The following MDFIC variants were observed in gnomAD, a reference collection of about 807,000 sequenced individuals.
MDFIC encodes the protein MyoD family inhibitor domain containing.
A neutral mutation model predicts 23.2 loss-of-function variants in MDFIC; 17 were observed. That is an observed-to-expected ratio of 0.73 (90% CI 0.50 to 1.10). MDFIC has a LOEUF of 1.10. Ranked by LOEUF, MDFIC falls within the 50% of genes least tolerant of loss-of-function variation. MDFIC has a pLI of 0.00. For synonymous variants in MDFIC, 120 were observed against 115.2 expected, an observed-to-expected ratio of 1.04 and a Z score of -0.27; for missense variants, 356 against 316.6, an observed-to-expected ratio of 1.12 and a Z score of -0.95.
intron 3 of MDFIC, among the ~76,000 whole-genome samples, chr7:114,976,627 G>C (rs17137497): frequency 0.023 from 3,571 of 152,054 alleles, 136 homozygotes; most frequent in African/African-American, 0.082. Flanking sequence ...ACTGAAAAAC[G>C]GTAACAGGAT....
intron 3 of MDFIC, among the ~76,000 whole-genome samples, chr7:114,978,213 A>T (rs1793353061): frequency 6.6e-6 from 1 of 151,900 alleles, no homozygotes; most frequent in Non-Finnish European, 1.5e-5. Flanking sequence ...AATATCTCAT[A>T]CATCAAATCC....
intron 3 of MDFIC, among the ~76,000 whole-genome samples, chr7:114,958,484 C>G (rs1792924955): frequency 6.6e-6 from 1 of 152,230 alleles, no homozygotes; most frequent in African/African-American, 2.4e-5. Flanking sequence ...GGCAAGGTGG[C>G]TCACGCCTGT....
intron 2 of MDFIC, chr7:114,934,025 G>A (rs146715211): frequency 1.4e-3 from 211 of 152,272 alleles, no homozygotes; most frequent in African/African-American, 4.9e-3. Flanking sequence ...AATGTTGGAC[G>A]TCGAATGTTT....
chr7:114,966,230 T>C (rs1025111212), intron 3 of MDFIC, among the ~76,000 whole-genome samples: 4 of 152,068 alleles, frequency 2.6e-5, no homozygotes, highest in African/African-American at 9.7e-5. Flanking sequence ...CTTCATAATG[T>C]CAAAGATAAT....
intron 2 of MDFIC, among the ~76,000 whole-genome samples, chr7:114,937,200 T>C (rs369873178): frequency 1.3e-3 from 197 of 152,304 alleles, no homozygotes; most frequent in African/African-American, 4.5e-3. Flanking sequence ...AGAATTGAGA[T>C]TGGAGAAGAT....
intron 4 of MDFIC, among the ~76,000 whole-genome samples, chr7:115,008,977 C>G (rs1290486392): frequency 1.3e-5 from 2 of 152,182 alleles, no homozygotes; most frequent in African/African-American, 4.8e-5. Flanking sequence ...TGGGGGTGCT[C>G]TGTGGCGTTG....
chr7:114,975,642 T>C (rs1173704936), intron 3 of MDFIC, among the ~76,000 whole-genome samples: 1 of 152,046 alleles, frequency 6.6e-6, no homozygotes, highest in African/African-American at 2.4e-5. Flanking sequence ...TGTGGTTTAA[T>C]CCGTCAGGTG....
chr7:114,946,200 C>T (rs898101969), intron 3 of MDFIC, among the ~76,000 whole-genome samples: 4 of 149,860 alleles, frequency 2.7e-5, no homozygotes, highest in Admixed American at 6.7e-5. Context: ...TCAGTCTTTG[C>T]GGGGATTTCT....
chr7:114,988,903 G>T (rs542700342), intron 4 of MDFIC, among the ~76,000 whole-genome samples: 2 of 152,302 alleles, frequency 1.3e-5, no homozygotes, highest in African/African-American at 2.4e-5. Context: ...TCAGAGAAAA[G>T]GTCAGATGGC....
At chr7:114,976,545 TA>T (rs1793318629) in intron 3 of MDFIC, among the ~76,000 whole-genome samples, 1 of 152,136 alleles carries the variant, frequency 6.6e-6, no homozygotes, top group Non-Finnish European at 1.5e-5. Context: ...AGATTTTAGT[TA>T]TGAAAAGGGC....
intron 4 of MDFIC, among the ~76,000 whole-genome samples, chr7:114,980,908 T>G (rs1451192538): frequency 6.6e-6 from 1 of 152,202 alleles, no homozygotes; most frequent in Non-Finnish European, 1.5e-5. Flanking sequence ...CAAACTCAAC[T>G]GAGATAAAGT....
chr7:114,924,583 G>A (rs1206969533), intron 2 of MDFIC, among the ~76,000 whole-genome samples: 1 of 27,090 alleles, frequency 3.7e-5, no homozygotes, highest in African/African-American at 7.6e-5. Context: ...AGAGTGGCCT[G>A]AAGTACATTT....
At chr7:115,008,844 C>G (rs2116121495) in intron 4 of MDFIC, among the ~76,000 whole-genome samples, 2 of 152,320 alleles carry the variant, frequency 1.3e-5, no homozygotes, top group African/African-American at 2.4e-5. Flanking sequence ...TGGGAAAGAA[C>G]AGTCACAGTA....
chr7:114,935,531 T>G (rs1051900249), intron 2 of MDFIC, among the ~76,000 whole-genome samples: 14 of 47,474 alleles, frequency 2.9e-4, no homozygotes, highest in South Asian at 7.8e-4. Context: ...TTTTTCTTTT[T>G]GTTTTTTTTT....
At chr7:114,949,391 T>C (rs1379599733) in intron 3 of MDFIC, among the ~76,000 whole-genome samples, 1 of 152,132 alleles carries the variant, frequency 6.6e-6, no homozygotes, top group South Asian at 2.1e-4. Flanking sequence ...CCAAAAATGC[T>C]AACCACTGAA....
chr7:114,953,168 T>C (rs1241517745), intron 3 of MDFIC, among the ~76,000 whole-genome samples: 1 of 152,210 alleles, frequency 6.6e-6, no homozygotes, highest in Non-Finnish European at 1.5e-5. Context: ...ATAGTTGATT[T>C]TTAGTCTAGC....
chr7:114,974,131 G>C (rs1157453290), intron 3 of MDFIC, among the ~76,000 whole-genome samples: 2 of 152,146 alleles, frequency 1.3e-5, no homozygotes, highest in Non-Finnish European at 2.9e-5. Flanking sequence ...TTGATGAAAA[G>C]AGTTGGGTAT....
chr7:114,922,340 G>T lies in MDFIC; in HGVS notation c.-404G>T, dbSNP rs889471924. On this transcript the variant is annotated 5_prime_UTR_variant, in exon 1 of 5. Transcript: ENST00000393486. ...TCAGGATTGTAGGAGTGGAAGAGGG[G>T]AAAGAGAGGCAGAGAGGGGGAAGGC... The T allele has an allele frequency of 6.2e-6, 7 of 1,122,676 alleles. No homozygotes were observed. The highest frequency in any genetic ancestry group is 6.8e-6 in the Non-Finnish European group (6 of 888,308). 69.5% of individuals were successfully genotyped at this position (1,122,676 alleles called of 1,614,324 possible).
intron 3 of MDFIC, among the ~76,000 whole-genome samples, chr7:114,956,370 TACAC>T (rs386411063): frequency 6.6e-6 from 1 of 151,206 alleles, no homozygotes; most frequent in Admixed American, 6.6e-5. Context: ...TATATATATA[TACAC>T]ACACACATAT....
Sources: gnomAD v4.1 joint callset for allele counts (sites outside exome capture counted in the v4.1 genomes callset) on GRCh38, gnomAD v4.1.1 for gene constraint, MANE v1.5 for transcripts, NCBI Gene and HGNC (gene_info 2026-07-23, HGNC 2026-07-21) for gene names.